NGEF: variants seen among roughly 807,000 people sequenced by gnomAD.
The protein encoded by NGEF is ephexin-1.
Under a neutral mutation model 80.9 loss-of-function variants are expected in NGEF, and 31 were observed. The ratio of observed to expected loss-of-function variants is 0.38; its 90% CI spans 0.29 to 0.52. The LOEUF is 0.52. NGEF is among the 20% of genes least tolerant of loss of function. NGEF has a pLI of 0.84. For missense variants in NGEF, 709 were observed against 926.2 expected (o/e 0.77, Z 3.04); for synonymous variants, 371 against 370.2 (o/e 1.00, Z -0.03).
At chr2:232,987,289 A>C (rs1237761443) in intron 1 of NGEF, among the ~76,000 whole-genome samples, 18 of 152,212 alleles carry the variant, frequency 1.2e-4, no homozygotes, top group Admixed American at 1.2e-3. Context: ...AAGTGCTGAG[A>C]TTACAGGCAT....
At chr2:233,006,458 C>G (rs951866213) in intron 1 of NGEF, among the ~76,000 whole-genome samples, 1 of 152,124 alleles carries the variant, frequency 6.6e-6, no homozygotes. Context: ...GGGGGCACCT[C>G]CAACTTAGCC....
At chr2:232,883,243 C>T in intron 12 of NGEF, 68 bp downstream of exon 12, 1 of 1,518,352 alleles carries the variant, frequency 6.6e-7, no homozygotes, top group South Asian at 1.3e-5. Flanking sequence ...GGGACAGGCC[C>T]ATAGGCATCG....
intron 3 of NGEF, among the ~76,000 whole-genome samples, chr2:232,947,385 C>T (rs1023922362): frequency 3.9e-5 from 6 of 152,218 alleles, no homozygotes; most frequent in Admixed American, 3.3e-4. Context: ...TGTGTCCTCA[C>T]CCAAATCTCA....
At chr2:232,903,533 C>CT (rs1203168909) in intron 5 of NGEF, among the ~76,000 whole-genome samples, 2 of 152,096 alleles carry the variant, frequency 1.3e-5, no homozygotes, top group African/African-American at 2.4e-5. Context: ...ACTGAGAGTC[C>CT]TTTTGCACCT....
At chr2:232,994,721 G>GA (rs1375820115) in intron 1 of NGEF, among the ~76,000 whole-genome samples, 4 of 152,108 alleles carry the variant, frequency 2.6e-5, no homozygotes, top group Non-Finnish European at 4.4e-5. Flanking sequence ...ATGTCTTGCA[G>GA]GGAGGACAAA....
At chr2:232,883,885 G>A in intron 11 of NGEF, 96 bp downstream of exon 11, 1 of 1,318,666 alleles carries the variant, frequency 7.6e-7, no homozygotes, top group Non-Finnish European at 1.0e-6. Context: ...CCCAAGCTCT[G>A]TCCCGACACC....
chr2:232,995,844 T>C (rs928250084), intron 1 of NGEF, among the ~76,000 whole-genome samples: 1 of 150,012 alleles, frequency 6.7e-6, no homozygotes, highest in Admixed American at 6.7e-5. Flanking sequence ...TGTATATGTA[T>C]AATATATTGT....
chr2:232,892,942 G>A lies in NGEF; in HGVS notation c.1098C>T (p.Tyr366=), dbSNP rs150149350. The A allele has an allele frequency of 4.2e-4, 670 of 1,613,634 alleles. 1 individual carries two copies. In the African/African-American group the frequency reaches 7.9e-3, roughly 19 times the overall value. The change falls in exon 7 of 15, where the codon TAC becomes TAT. Residue 366 remains tyrosine, a synonymous_variant. Coordinates refer to ENST00000264051, the MANE Select transcript of NGEF (RefSeq NM_019850.3). The surrounding 1 kb of genome is among the most constrained non-coding windows in gnomAD (Gnocchi z 4.0). ...GCTCCTGGTAGGTCTGATTGCTGAC[G>A]TAGGTGATGTAGACAGAGAAGTGGT... The part of the protein sequence containing the change: ...AADHFSVYIT[Y]VSNQTYQERT...
At chr2:232,897,814 AAGC>A (rs1574999137) in intron 5 of NGEF, among the ~76,000 whole-genome samples, 1 of 152,134 alleles carries the variant, frequency 6.6e-6, no homozygotes, top group Non-Finnish European at 1.5e-5. Flanking sequence ...TCTACCTAAA[AAGC>A]AGCCACAGCA....
intron 5 of NGEF, among the ~76,000 whole-genome samples, chr2:232,906,400 G>T (rs1418814557): frequency 3.7e-5 from 4 of 108,508 alleles, no homozygotes; most frequent in Admixed American, 9.8e-5. Flanking sequence ...GAGGTGGGGG[G>T]GTCAGCCCCC....
At position 232,989,659 on chromosome 2, in the gene NGEF, G is replaced by T. The variant is rs769510773; in HGVS notation, c.-74-14695C>A. Among the ~76,000 whole-genome samples the T allele has an allele frequency of 2.5e-4, 38 of 152,200 alleles. 1 individual carries two copies. Among genetic ancestry groups the T allele is most frequent in the Non-Finnish European group, 4.1e-4 (28 of 68,028 alleles). ...CAGCAGAGAAATGAGTCTAGACAGA[G>T]AGAAGTTAGAGGCCATGATGGGGAA... On this transcript the variant is annotated intron_variant, in intron 1 of 14. Transcript: ENST00000264051.
chr2:233,006,740 G>C (rs531249028), intron 1 of NGEF, among the ~76,000 whole-genome samples: 2 of 152,230 alleles, frequency 1.3e-5, no homozygotes, highest in South Asian at 2.1e-4. Context: ...CACTCATGGC[G>C]ATCCTGTATG....
intron 1 of NGEF, 177 bp downstream of exon 1, chr2:233,012,891 G>T (rs561990545): frequency 2.1e-6 from 1 of 471,068 alleles, no homozygotes; most frequent in African/African-American, 2.0e-5. Flanking sequence ...TGCTGAAGCC[G>T]AGACCAGACA....
At chr2:232,943,711 G>A (rs1216881313) in intron 3 of NGEF, among the ~76,000 whole-genome samples, 1 of 150,400 alleles carries the variant, frequency 6.6e-6, no homozygotes, top group Non-Finnish European at 1.5e-5. Context: ...TAGCCAGGTT[G>A]GTCTCAATCT....
chr2:232,897,498 G>A (rs1403853559), intron 5 of NGEF, among the ~76,000 whole-genome samples: 1 of 152,098 alleles, frequency 6.6e-6, no homozygotes, highest in Non-Finnish European at 1.5e-5. Context: ...GGGTTTGCTG[G>A]GCATTTGATG....
intron 1 of NGEF, among the ~76,000 whole-genome samples, chr2:232,975,525 C>T (rs1694273658): frequency 6.6e-6 from 1 of 152,174 alleles, no homozygotes; most frequent in Admixed American, 6.5e-5. Context: ...GTCCCCCCAT[C>T]CCATGGCCAC....
chr2:232,966,285 C>T (rs1389099590), intron 3 of NGEF, among the ~76,000 whole-genome samples: 1 of 152,162 alleles, frequency 6.6e-6, no homozygotes, highest in East Asian at 1.9e-4. Context: ...TCTTAAGCCT[C>T]GACTCCAGCA....
At chr2:232,893,625 A>T (rs1486097655) in intron 6 of NGEF, among the ~76,000 whole-genome samples, 2 of 152,062 alleles carry the variant, frequency 1.3e-5, no homozygotes, top group Non-Finnish European at 2.9e-5. Flanking sequence ...AATACAAAAA[A>T]TTAGCCGAGT....
chr2:232,899,382 TC>T (rs1407971999), intron 5 of NGEF, among the ~76,000 whole-genome samples: 4 of 152,184 alleles, frequency 2.6e-5, no homozygotes, highest in Non-Finnish European at 5.9e-5. Context: ...ACGTCACACT[TC>T]CTGGCTTTCC....
Sources: gnomAD v4.1 joint callset for allele counts (sites outside exome capture counted in the v4.1 genomes callset) on GRCh38, gnomAD v4.1.1 for gene constraint, Gnocchi (gnomAD v3.1) non-coding constraint, MANE v1.5 for transcripts, NCBI Gene and HGNC (gene_info 2026-07-23, HGNC 2026-07-21) for gene names.